CCNY: variants seen among roughly 807,000 people sequenced by gnomAD.
CCNY encodes the protein cyclin Y.
CCNY carries 19 observed loss-of-function variants against 42.8 expected under a neutral mutation model. That is an observed-to-expected ratio of 0.44 (90% CI 0.31 to 0.65). The LOEUF (loss-of-function observed/expected upper bound fraction) is 0.65. Among genes scored for constraint, CCNY ranks in the 30% least tolerant of loss-of-function variants. The pLI, the probability that CCNY is intolerant of heterozygous loss-of-function variation, is 0.07. For missense variants in CCNY, 370 were observed against 437.3 expected, an observed-to-expected ratio of 0.85 and a Z score of 1.37; for synonymous variants, 165 against 162.7, an observed-to-expected ratio of 1.01 and a Z score of -0.11.
At position 35,430,336 on chromosome 10, in the gene CCNY, C is replaced by CAAAAA. The variant is rs397954370; in HGVS notation, c.155-53047_155-53043dup. Among the ~76,000 whole-genome samples the CAAAAA allele has an allele frequency of 2.5e-3, 140 of 55,500 alleles. 3 individuals carry two copies. The highest frequency in any genetic ancestry group is 6.2e-3 in the Admixed American group (24 of 3,864). 36.4% of individuals were successfully genotyped at this position (55,500 alleles called of 152,430 possible). A position where few individuals can be genotyped will look rare whatever the true frequency, so the allele number is the denominator to read the frequency against. ...TGGGCGACAGAGCGAGACTCCGTCT[C>CAAAAA]AAAAAAAAAAAAAAAAAAAAAAAAA... On this transcript the variant is annotated intron_variant, in intron 1 of 9. Coordinates refer to ENST00000374704, the MANE Select transcript of CCNY (RefSeq NM_145012.6).
chr10:35,441,415 A>G (rs1838664622), intron 1 of CCNY, among the ~76,000 whole-genome samples: 1 of 152,086 alleles, frequency 6.6e-6, no homozygotes, highest in South Asian at 2.1e-4. Flanking sequence ...TTGTTTTCTT[A>G]ATTTTAGGGC....
chr10:35,366,994 T>C (rs1175878436), intron 1 of CCNY, among the ~76,000 whole-genome samples: 3 of 152,212 alleles, frequency 2.0e-5, no homozygotes, highest in Non-Finnish European at 2.9e-5. Context: ...ACACAGACAT[T>C]TACAGTATAA....
intron 1 of CCNY, among the ~76,000 whole-genome samples, chr10:35,413,823 C>T (rs987991542): frequency 3.9e-5 from 6 of 152,004 alleles, no homozygotes; most frequent in Non-Finnish European, 5.9e-5. Context: ...GCGGGAAATG[C>T]GGTAGAGATT....
At chr10:35,562,765 G>GTT (rs1461875193) in intron 8 of CCNY, among the ~76,000 whole-genome samples, 4 of 152,136 alleles carry the variant, frequency 2.6e-5, no homozygotes, top group African/African-American at 7.2e-5. Flanking sequence ...AGTGGAGGCT[G>GTT]TAAGTGTGGC....
intron 3 of CCNY, among the ~76,000 whole-genome samples, chr10:35,302,250 C>T (rs1429770183): frequency 6.6e-6 from 1 of 150,984 alleles, no homozygotes; most frequent in East Asian, 2.0e-4. Context: ...TGTAAGCCAC[C>T]ACGCCCATCC....
chr10:35,408,349 G>C (rs924502854), intron 1 of CCNY, among the ~76,000 whole-genome samples: 3 of 152,220 alleles, frequency 2.0e-5, no homozygotes, highest in African/African-American at 7.2e-5. Context: ...GAGCAACAAG[G>C]CTGTTTATTT....
upstream of CCNY, among the ~76,000 whole-genome samples, chr10:35,332,019 C>T (rs1194236912): frequency 6.6e-6 from 1 of 152,194 alleles, no homozygotes; most frequent in Admixed American, 6.5e-5. Context: ...AGAAATGAGT[C>T]ACCTGACTTG....
chr10:35,476,433 A>G (rs1839511653), intron 1 of CCNY, among the ~76,000 whole-genome samples: 1 of 152,282 alleles, frequency 6.6e-6, no homozygotes, highest in South Asian at 2.1e-4. Context: ...ATAACAAAGT[A>G]TCTCTCAGAC....
chr10:35,390,753 C>T (rs1005623310), intron 1 of CCNY, among the ~76,000 whole-genome samples: 12 of 152,268 alleles, frequency 7.9e-5, no homozygotes, highest in Admixed American at 3.9e-4. Context: ...TGGCATAGGG[C>T]GGTGATTTTC....
intron 3 of CCNY, among the ~76,000 whole-genome samples, chr10:35,286,332 C>G (rs1024232943): frequency 1.1e-4 from 16 of 150,604 alleles, no homozygotes; most frequent in African/African-American, 3.9e-4. Context: ...CTTAACTTTT[C>G]AGTTTACTAA....
chr10:35,459,656 C>G (rs1164958183), intron 1 of CCNY, among the ~76,000 whole-genome samples: 2 of 152,152 alleles, frequency 1.3e-5, no homozygotes, highest in Admixed American at 6.5e-5. Context: ...GCAGAGTTTT[C>G]TCAGAACTCC....
At chr10:35,449,140 G>A (rs1163104624) in intron 1 of CCNY, among the ~76,000 whole-genome samples, 1 of 151,908 alleles carries the variant, frequency 6.6e-6, no homozygotes, top group Non-Finnish European at 1.5e-5. Flanking sequence ...GTCAGTGCTG[G>A]AGATAATAGC....
chr10:35,463,313 A>G (rs2135332912), intron 1 of CCNY, among the ~76,000 whole-genome samples: 1 of 152,356 alleles, frequency 6.6e-6, no homozygotes, highest in East Asian at 1.9e-4. Flanking sequence ...CTTACTAAAC[A>G]TTAGTTTCTT....
chr10:35,455,734 T>C (rs1839014565), intron 1 of CCNY, among the ~76,000 whole-genome samples: 1 of 151,644 alleles, frequency 6.6e-6, no homozygotes, highest in South Asian at 2.1e-4. Context: ...CATATTTTAT[T>C]GAACATTATT....
intron 3 of CCNY, among the ~76,000 whole-genome samples, chr10:35,503,576 G>A (rs956788418): frequency 3.3e-5 from 5 of 152,192 alleles, no homozygotes; most frequent in Non-Finnish European, 7.3e-5. Context: ...CTTAGGAATA[G>A]TAAGTTAGAA....
chr10:35,427,598 T>C (rs1301721701), intron 1 of CCNY, among the ~76,000 whole-genome samples: 8 of 152,232 alleles, frequency 5.3e-5, no homozygotes, highest in African/African-American at 1.7e-4. Context: ...TGTATTTCAA[T>C]GTGATAATAT....
chr10:35,301,688 G>T (rs113814020), intron 3 of CCNY, among the ~76,000 whole-genome samples: 27 of 152,106 alleles, frequency 1.8e-4, no homozygotes, highest in African/African-American at 6.3e-4. Context: ...GAGAGCAGTG[G>T]CATGATCACG....
upstream of CCNY, among the ~76,000 whole-genome samples, chr10:35,334,003 G>T (rs985148810): frequency 3.5e-5 from 5 of 141,898 alleles, no homozygotes; most frequent in Middle Eastern, 3.8e-3. Flanking sequence ...CATACCTAAG[G>T]GGAATATGGT....
At chr10:35,335,856 GACACAC>G (rs113808457), upstream of CCNY, 43 of 146,080 alleles carry the variant, frequency 2.9e-4, 2 homozygotes, top group South Asian at 6.2e-3. Flanking sequence ...CTACTTTGGA[GACACAC>G]ACACACACAC....
Sources: allele counts gnomAD v4.1 joint callset (sites outside exome capture counted in the v4.1 genomes callset), GRCh38; gene constraint gnomAD v4.1.1; transcripts MANE v1.5; gene names NCBI Gene and HGNC (gene_info 2026-07-23, HGNC 2026-07-21).